Variants in GCLC observed in about 807,000 individuals in gnomAD.
GCLC encodes glutamate-cysteine ligase catalytic subunit.
A neutral mutation model predicts 81.5 loss-of-function variants in GCLC; 30 were observed. The ratio of observed to expected loss-of-function variants is 0.37; its 90% CI spans 0.28 to 0.50. The LOEUF (loss-of-function observed/expected upper bound fraction) is 0.50. Among genes scored for constraint, GCLC ranks in the 20% least tolerant of loss-of-function variants. GCLC has a pLI of 0.96. For missense variants in GCLC, 556 were observed against 777.4 expected, an observed-to-expected ratio of 0.72 and a Z score of 3.39; for synonymous variants, 262 against 273.3, an observed-to-expected ratio of 0.96 and a Z score of 0.41.
chr6:53,532,009 A>G (rs570272422), intron 1 of GCLC, among the ~76,000 whole-genome samples: 1 of 152,358 alleles, frequency 6.6e-6, no homozygotes, highest in East Asian at 1.9e-4. Flanking sequence ...CATCAAACAC[A>G]GAACATTCAT....
chr6:53,516,336 A>G, intron 3 of GCLC, 114 bp from the exon 4 acceptor site: 1 of 731,652 alleles, frequency 1.4e-6, no homozygotes, highest in Non-Finnish European at 2.5e-6. Flanking sequence ...TCCCCTTTTC[A>G]GAGGGCTTTG....
chr6:53,502,255 C>T (rs2127619289), intron 12 of GCLC, among the ~76,000 whole-genome samples: 1 of 152,324 alleles, frequency 6.6e-6, no homozygotes, highest in East Asian at 1.9e-4. Flanking sequence ...CCTTTCCCAT[C>T]CTTTGATTAT....
intron 1 of GCLC, among the ~76,000 whole-genome samples, chr6:53,528,482 T>C (rs1409106646): frequency 3.3e-5 from 5 of 152,314 alleles, no homozygotes; most frequent in Admixed American, 2.0e-4. Flanking sequence ...TAAATATATA[T>C]ATATTTGATG....
chr6:53,537,739 A>T (rs1763280075), intron 1 of GCLC, among the ~76,000 whole-genome samples: 2 of 151,218 alleles, frequency 1.3e-5, no homozygotes. Flanking sequence ...AGTTAACTGT[A>T]AAAAAAAACC....
In GCLC at chr6:53,533,981, A is replaced by AG. The variant is rs199867568; in HGVS notation, c.150+10514dup. ...AGCTAATTTTGTATTTTTAGTAGAG[A>AG]GGGGGTTTTCACCATGTTGGTCAGG... On this transcript the variant is annotated intron_variant, in intron 1 of 15. Coordinates refer to ENST00000650454, the MANE Select transcript of GCLC (RefSeq NM_001498.4). Among the ~76,000 whole-genome samples, 1,291 of 152,018 alleles carry AG rather than the reference A, an allele frequency of 8.5e-3. 19 individuals are homozygous for AG. The highest frequency in any genetic ancestry group is 0.03 in the African/African-American group (1,227 of 41,484).
In GCLC at chr6:53,506,270, GAC is replaced by G; in HGVS notation, c.1198-377_1198-376del. On this transcript the variant is annotated intron_variant, in intron 10 of 15. Coordinates refer to ENST00000650454, the MANE Select transcript of GCLC (RefSeq NM_001498.4). This position sits in a 1 kb window ranked among gnomAD's most constrained non-coding sequence, Gnocchi z 4.0. Reference sequence around the variant, plus strand: ...CTTTCATCTGAGAACCCTGTCACATGACAGTTGTTTCCTTTCTTCCTCCTCTC... The same window carrying G: ...CTTTCATCTGAGAACCCTGTCACATGAGTTGTTTCCTTTCTTCCTCCTCTC... The G allele has an allele frequency of 3.2e-6, 1 of 310,294 alleles. No individual in the cohort carries two copies. The highest frequency in any genetic ancestry group is 6.2e-6 in the Non-Finnish European group (1 of 161,650). The allele number at this position is 310,294 out of a possible 1,614,324, so 19.2% of individuals were successfully genotyped here.
At chr6:53,522,763 T>C in intron 1 of GCLC, 1 of 408,936 alleles carries the variant, frequency 2.4e-6, no homozygotes, top group South Asian at 2.7e-5. Flanking sequence ...CTACTTAATA[T>C]CCTATGGAAA....
rs150558507 is a variant in GCLC, at chr6:53,519,861, C to T, written c.446+917G>A. ...TAAGTTTTCAACTATTTAGATGTTA[C>T]AGTAGAGATATAAAAAAAAAAATAG... On this transcript the variant is annotated intron_variant, in intron 3 of 15. Transcript: ENST00000650454. Among the ~76,000 whole-genome samples, 158 of 151,868 alleles carry T rather than the reference C, an allele frequency of 1.0e-3. 1 individual carries two copies. The highest frequency in any genetic ancestry group is 3.6e-3 in the African/African-American group (148 of 41,414).
chr6:53,519,749 G>T (rs945964782), intron 3 of GCLC, among the ~76,000 whole-genome samples: 1 of 152,086 alleles, frequency 6.6e-6, no homozygotes, highest in Non-Finnish European at 1.5e-5. Context: ...TCCTTCTGGG[G>T]GTGGAGAGAG....
At chr6:53,533,978 G>A (rs1183311040) in intron 1 of GCLC, among the ~76,000 whole-genome samples, 1 of 151,898 alleles carries the variant, frequency 6.6e-6, no homozygotes, top group African/African-American at 2.4e-5. Context: ...ATTTTTAGTA[G>A]AGAGGGGGTT....
At chr6:53,530,534 TA>T (rs1763154650) in intron 1 of GCLC, among the ~76,000 whole-genome samples, 1 of 152,218 alleles carries the variant, frequency 6.6e-6, no homozygotes, top group Non-Finnish European at 1.5e-5. Context: ...ACAGGCTGCA[TA>T]ACTATCAAAT....
chr6:53,501,535 T>C (rs556276430), intron 12 of GCLC, among the ~76,000 whole-genome samples: 4 of 152,368 alleles, frequency 2.6e-5, no homozygotes, highest in South Asian at 2.1e-4. Context: ...TGAAATCTTA[T>C]GTGGGACCTC....
chr6:53,516,462 CCACT>C (rs1174692737), intron 3 of GCLC, among the ~76,000 whole-genome samples: 14 of 152,328 alleles, frequency 9.2e-5, no homozygotes, highest in Admixed American at 8.5e-4. Context: ...ATCCAAGTCT[CCACT>C]CACTCACAAA....
In GCLC at chr6:53,544,978, C is replaced by G. The variant is rs1310006892; in HGVS notation, c.-333G>C. ...GCGGCGGCGGCGGACCCCACGGCCG[C>G]GCTGCCGCGGCGGCTCCCGCTTCTC... On this transcript the variant is annotated 5_prime_UTR_variant, in exon 1 of 16. Transcript: ENST00000650454. The G allele has an allele frequency of 5.2e-6, 1 of 192,866 alleles. No homozygotes were observed. The highest frequency in any genetic ancestry group is 1.1e-5 in the Non-Finnish European group (1 of 95,168). The allele number at this position is 192,866 out of a possible 1,614,324, so 11.9% of individuals were successfully genotyped here.
intron 1 of GCLC, among the ~76,000 whole-genome samples, chr6:53,543,284 G>C (rs1428297455): frequency 6.6e-6 from 1 of 152,190 alleles, no homozygotes; most frequent in Non-Finnish European, 1.5e-5. Context: ...GAACTTTACA[G>C]TAAAACTGAA....
chr6:53,505,148 G>A lies in GCLC; in HGVS notation c.1395+244C>T. The A allele has an allele frequency of 6.5e-6, 3 of 464,454 alleles. No homozygotes were observed. In the South Asian group the frequency reaches 6.9e-5, roughly 11 times the overall value. 28.8% of individuals were successfully genotyped at this position (464,454 alleles called of 1,614,324 possible). ...CTAATTTAACATTGTAATCAACCTGGGATTTTGTGGTGGATGAAATCAATG... is the reference window on the plus strand; with the variant it reads ...CTAATTTAACATTGTAATCAACCTGAGATTTTGTGGTGGATGAAATCAATG... On this transcript the variant is annotated intron_variant, in intron 12 of 15. Transcript: ENST00000650454.
At chr6:53,518,524 T>G (rs912862646) in intron 3 of GCLC, among the ~76,000 whole-genome samples, 3 of 152,208 alleles carry the variant, frequency 2.0e-5, no homozygotes, top group Non-Finnish European at 4.4e-5. Context: ...GTGCTGGGAT[T>G]ACAGGTGTAA....
intron 1 of GCLC, among the ~76,000 whole-genome samples, chr6:53,536,310 G>T (rs1385463547): frequency 6.6e-6 from 1 of 152,178 alleles, no homozygotes; most frequent in Non-Finnish European, 1.5e-5. Context: ...ATGGCCAGAG[G>T]AAGAAATTAC....
intron 1 of GCLC, among the ~76,000 whole-genome samples, chr6:53,535,557 A>G (rs1473920258): frequency 6.6e-6 from 1 of 152,194 alleles, no homozygotes; most frequent in Non-Finnish European, 1.5e-5. Flanking sequence ...AAACAGACTG[A>G]GAGGAAATAT....
Sources: allele counts gnomAD v4.1 joint callset (sites outside exome capture counted in the v4.1 genomes callset), GRCh38; gene constraint gnomAD v4.1.1; non-coding constraint Gnocchi (gnomAD v3.1); transcripts MANE v1.5; gene names NCBI Gene and HGNC (gene_info 2026-07-23, HGNC 2026-07-21).